Variants in LHFPL3 observed in about 807,000 individuals in gnomAD.
LHFPL3 encodes the protein LHFPL tetraspan subfamily member 3, also known as LHFPL tetraspan subfamily member 3 protein.
A neutral mutation model predicts 19.3 loss-of-function variants in LHFPL3; 5 were observed. The ratio of observed to expected loss-of-function variants is 0.26; its 90% CI spans 0.14 to 0.54. The LOEUF (loss-of-function observed/expected upper bound fraction) is 0.54. LHFPL3 is among the 20% of genes least tolerant of loss of function. LHFPL3 has a pLI of 0.94. For missense variants in LHFPL3, 249 were observed against 307.4 expected, an observed-to-expected ratio of 0.81 and a Z score of 1.42; for synonymous variants, 133 against 126.2, an observed-to-expected ratio of 1.05 and a Z score of -0.36.
chr7:104,536,449 C>G (rs568566713), intron 1 of LHFPL3, among the ~76,000 whole-genome samples: 2 of 152,112 alleles, frequency 1.3e-5, no homozygotes, highest in South Asian at 4.1e-4. Flanking sequence ...ATCCCCAGGC[C>G]GATTGGAACA....
intron 1 of LHFPL3, among the ~76,000 whole-genome samples, chr7:104,550,388 C>T (rs901955309): frequency 6.6e-6 from 1 of 152,032 alleles, no homozygotes; most frequent in African/African-American, 2.4e-5. Context: ...GGCTGTCAGG[C>T]GGTGGGATGA....
chr7:104,730,731 C>T (rs1436146932), intron 1 of LHFPL3, among the ~76,000 whole-genome samples: 1 of 152,202 alleles, frequency 6.6e-6, no homozygotes, highest in East Asian at 1.9e-4. Flanking sequence ...TTTTGCTGTG[C>T]AGAAGCTCTT....
intron 2 of LHFPL3, among the ~76,000 whole-genome samples, chr7:104,788,360 C>T (rs970395712): frequency 1.3e-5 from 2 of 152,202 alleles, no homozygotes; most frequent in African/African-American, 2.4e-5. Context: ...GTCCTGCCAG[C>T]GACAGCCTCT....
At chr7:104,566,435 C>G (rs759357527) in intron 1 of LHFPL3, among the ~76,000 whole-genome samples, 55 of 152,222 alleles carry the variant, frequency 3.6e-4, no homozygotes, top group Non-Finnish European at 2.4e-4. Context: ...CCTCTCCTGA[C>G]AAGTCATTTT....
intron 1 of LHFPL3, among the ~76,000 whole-genome samples, chr7:104,577,956 C>T (rs949793447): frequency 2.0e-5 from 3 of 152,048 alleles, no homozygotes; most frequent in African/African-American, 4.8e-5. Context: ...TGTTTCTCCA[C>T]GGAAGAACAA....
chr7:104,470,929 C>G (rs1026513668), intron 1 of LHFPL3, among the ~76,000 whole-genome samples: 2 of 152,092 alleles, frequency 1.3e-5, no homozygotes, highest in African/African-American at 4.8e-5. Flanking sequence ...GGAGAATGCC[C>G]TCCTGCCAGT....
At chr7:104,817,251 T>G (rs1454365295) in intron 2 of LHFPL3, among the ~76,000 whole-genome samples, 1 of 152,228 alleles carries the variant, frequency 6.6e-6, no homozygotes, top group Admixed American at 6.5e-5. Flanking sequence ...GCCTATCCAG[T>G]GCTGGGCAGT....
intron 1 of LHFPL3, among the ~76,000 whole-genome samples, chr7:104,629,892 T>A (rs1305274524): frequency 3.9e-5 from 6 of 152,186 alleles, no homozygotes; most frequent in Non-Finnish European, 8.8e-5. Context: ...GTGCATTTTT[T>A]AATGTTATAT....
At chr7:104,541,103 GACACACAC>G (rs58831498) in intron 1 of LHFPL3, among the ~76,000 whole-genome samples, 1,790 of 134,604 alleles carry the variant, frequency 0.013, 39 homozygotes, top group African/African-American at 0.043. Context: ...TCCTCCCCAT[GACACACAC>G]ACACACACAC....
intron 2 of LHFPL3, among the ~76,000 whole-genome samples, chr7:104,874,330 T>C (rs1035712153): frequency 1.3e-5 from 2 of 151,716 alleles, no homozygotes; most frequent in Non-Finnish European, 2.9e-5. Context: ...TAAAAAGAGA[T>C]AGGAGAGATT....
intron 1 of LHFPL3, among the ~76,000 whole-genome samples, chr7:104,606,129 G>C (rs4265112): frequency 0.91 from 138,033 of 152,176 alleles, 63,046 homozygotes; most frequent in Non-Finnish European, 0.96. Context: ...CCAAAGTGTT[G>C]AGATTACAGG....
chr7:104,518,959 T>A (rs895888331), intron 1 of LHFPL3, among the ~76,000 whole-genome samples: 1 of 152,140 alleles, frequency 6.6e-6, no homozygotes, highest in African/African-American at 2.4e-5. Context: ...GGGGTACATA[T>A]TTTTTCAAAA....
intron 1 of LHFPL3, among the ~76,000 whole-genome samples, chr7:104,564,027 A>T (rs1006975389): frequency 3.3e-5 from 5 of 152,226 alleles, no homozygotes; most frequent in Non-Finnish European, 7.3e-5. Flanking sequence ...GCCAGGCATT[A>T]TGTTAAACAC....
chr7:104,811,299 A>G (rs559782770), intron 2 of LHFPL3, among the ~76,000 whole-genome samples: 1 of 151,912 alleles, frequency 6.6e-6, no homozygotes, highest in East Asian at 1.9e-4. Flanking sequence ...GGCTCAACCC[A>G]TCCTCCCACC....
intron 1 of LHFPL3, among the ~76,000 whole-genome samples, chr7:104,388,392 A>C (rs960888416): frequency 2.6e-5 from 4 of 152,166 alleles, no homozygotes; most frequent in Admixed American, 1.3e-4. Context: ...TGTAAAAGGG[A>C]TCCTCAATAA....
chr7:104,624,832 G>T (rs1447392179), intron 1 of LHFPL3, among the ~76,000 whole-genome samples: 1 of 152,110 alleles, frequency 6.6e-6, no homozygotes, highest in African/African-American at 2.4e-5. Context: ...ATGTGTCTTT[G>T]GTTTGTTATG....
At chr7:104,419,550 T>C (rs1791686884) in intron 1 of LHFPL3, among the ~76,000 whole-genome samples, 1 of 152,210 alleles carries the variant, frequency 6.6e-6, no homozygotes, top group South Asian at 2.1e-4. Context: ...AGGATTCTGA[T>C]ACCATTAAAA....
At position 104,577,881 on chromosome 7, in the gene LHFPL3, C is replaced by T. The variant is rs192059499; in HGVS notation, c.446-158794C>T. On this transcript the variant is annotated intron_variant, in intron 1 of 2. Transcript: ENST00000424859. ...TCTTTAATAAGTGCTTAAAGCATCTCCACAGTAATACAGACTTTCTTTTCC... is the reference window on the plus strand; with the variant it reads ...TCTTTAATAAGTGCTTAAAGCATCTTCACAGTAATACAGACTTTCTTTTCC... 2.6e-4 allele frequency among the ~76,000 whole-genome samples: 40 copies of T among 152,266 alleles called. No individual in the cohort carries two copies. The Middle Eastern group carries it at 0.01, about 39-fold the overall frequency.
chr7:104,819,791 C>A (rs73714139), intron 2 of LHFPL3, among the ~76,000 whole-genome samples: 1,611 of 152,250 alleles, frequency 0.011, 28 homozygotes, highest in African/African-American at 0.036. Context: ...TTTACAGATG[C>A]ACCACCACAG....
Sources: gnomAD v4.1 joint callset for allele counts (sites outside exome capture counted in the v4.1 genomes callset) on GRCh38, gnomAD v4.1.1 for gene constraint, MANE v1.5 for transcripts, NCBI Gene and HGNC (gene_info 2026-07-23, HGNC 2026-07-21) for gene names.